The following GAB2 variants were observed in gnomAD, a reference collection of about 807,000 sequenced individuals.
The protein encoded by GAB2 is GRB2 associated binding protein 2.
Under a neutral mutation model 65.5 loss-of-function variants are expected in GAB2, and 26 were observed. The ratio of observed to expected loss-of-function variants is 0.40; its 90% CI spans 0.29 to 0.55. The LOEUF (loss-of-function observed/expected upper bound fraction) is 0.55. GAB2 is among the 20% of genes least tolerant of loss of function. The pLI is 0.53. For missense variants in GAB2, 884 were observed against 875.8 expected (o/e 1.01, Z -0.12); for synonymous variants, 321 against 329.6 (o/e 0.97, Z 0.28).
chr11:78,271,944 G>A (rs1246413400), intron 2 of GAB2, among the ~76,000 whole-genome samples: 1 of 152,190 alleles, frequency 6.6e-6, no homozygotes, highest in African/African-American at 2.4e-5. Flanking sequence ...AGTCTCTTGA[G>A]ATCTGATGGT....
intron 1 of GAB2, among the ~76,000 whole-genome samples, chr11:78,375,875 T>A (rs1856625729): frequency 6.6e-6 from 1 of 152,204 alleles, no homozygotes; most frequent in South Asian, 2.1e-4. Context: ...AGACTCTCCA[T>A]TGGCTTCTGG....
intron 2 of GAB2, among the ~76,000 whole-genome samples, chr11:78,278,297 T>G (rs1866231477): frequency 6.6e-6 from 1 of 152,104 alleles, no homozygotes; most frequent in Admixed American, 6.6e-5. Flanking sequence ...CTTGAACTCC[T>G]GATCTTAGGT....
Position 78,216,055 on chromosome 11 carries a change from A to G in GAB2, c.*3217T>C, listed in dbSNP as rs2511162. ...ACTGGGGATAGGTACTGCCCACCCC[A>G]ATCCCCCAGAAAGAAGTTACAGAGG... On this transcript the variant is annotated 3_prime_UTR_variant, in exon 10 of 10. Coordinates refer to ENST00000361507, the MANE Select transcript of GAB2 (RefSeq NM_080491.3). 0.31 allele frequency: 46,681 copies of G among 152,536 alleles called. 9,057 individuals are homozygous for G. The highest frequency in any genetic ancestry group is 0.55 in the African/African-American group (22,632 of 41,470). 9.4% of individuals were successfully genotyped at this position (152,536 alleles called of 1,614,324 possible). A position where few individuals can be genotyped will look rare whatever the true frequency, so the allele number is the denominator to read the frequency against.
chr11:78,295,422 T>C (rs949220796), intron 1 of GAB2, among the ~76,000 whole-genome samples: 5 of 152,170 alleles, frequency 3.3e-5, no homozygotes, highest in Non-Finnish European at 7.4e-5. Context: ...ATCCACTTTC[T>C]TTTTCCTTCA....
intron 1 of GAB2, among the ~76,000 whole-genome samples, chr11:78,394,126 A>G (rs1856866081): frequency 6.6e-6 from 1 of 152,178 alleles, no homozygotes; most frequent in Admixed American, 6.5e-5. Flanking sequence ...ATGTCTACTA[A>G]AAATATAAAA....
intron 3 of GAB2, among the ~76,000 whole-genome samples, chr11:78,244,852 A>G (rs12287148): frequency 0.032 from 4,826 of 152,252 alleles, 127 homozygotes; most frequent in South Asian, 0.064. Flanking sequence ...GTAAATTAGT[A>G]CAGTCGTTAT....
At chr11:78,268,336 T>C (rs1865921293) in intron 2 of GAB2, among the ~76,000 whole-genome samples, 2 of 152,212 alleles carry the variant, frequency 1.3e-5, no homozygotes, top group Admixed American at 6.5e-5. Context: ...GAGAAGACTG[T>C]ATCTACTGAT....
At chr11:78,414,853 G>A (rs117546841) in intron 1 of GAB2, among the ~76,000 whole-genome samples, 1,563 of 152,146 alleles carry the variant, frequency 0.01, 40 homozygotes, top group East Asian at 0.079. Context: ...ACACCTTCCC[G>A]TCTTTCCGAA....
chr11:78,258,620 C>A (rs1865657302), intron 2 of GAB2, among the ~76,000 whole-genome samples: 1 of 148,558 alleles, frequency 6.7e-6, no homozygotes, highest in Non-Finnish European at 1.5e-5. Context: ...TTTTTTGAGA[C>A]AAGATCGCGC....
chr11:78,269,186 T>C (rs767713936), intron 2 of GAB2, among the ~76,000 whole-genome samples: 7 of 152,232 alleles, frequency 4.6e-5, no homozygotes, highest in Non-Finnish European at 1.0e-4. Context: ...GTCTCCACTC[T>C]GTTCTTTCTT....
chr11:78,219,219 G>C lies in GAB2; in HGVS notation c.*53C>G. On this transcript the variant is annotated 3_prime_UTR_variant, in exon 10 of 10. Coordinates refer to ENST00000361507, the MANE Select transcript of GAB2 (RefSeq NM_080491.3). Reference sequence around the variant, plus strand: ...AACGGGAGAGGGGAGAGGGGAGATGGGAAGGGCCAGCTCTGGAGATGCTGC... The same window carrying C: ...AACGGGAGAGGGGAGAGGGGAGATGCGAAGGGCCAGCTCTGGAGATGCTGC... 6.4e-7 allele frequency: 1 copy of C among 1,567,042 alleles called. No homozygotes were observed. The highest frequency in any genetic ancestry group is 2.3e-5 in the East Asian group (1 of 44,368).
intron 1 of GAB2, 104 bp from the exon 2 acceptor site, chr11:78,281,005 G>A: frequency 1.1e-6 from 1 of 885,232 alleles, no homozygotes; most frequent in Non-Finnish European, 1.8e-6. Context: ...CCAGGCTGGA[G>A]TGCAGTGGCA....
intron 1 of GAB2, among the ~76,000 whole-genome samples, chr11:78,415,527 G>C (rs1251447269): frequency 3.9e-5 from 6 of 152,338 alleles, no homozygotes; most frequent in Middle Eastern, 3.4e-3. Context: ...CATATCACCA[G>C]TTTCAGTTAG....
rs1387052984 is a variant in GAB2, at chr11:78,412,081, G to A, written c.75+5565C>T. On this transcript the variant is annotated intron_variant, in intron 1 of 9. Transcript: ENST00000361507. ...AACAAAGAGAATCACTTGAACCTGG[G>A]GAGCCGAGATCATGCCATTGCACTC... 4.0e-5 allele frequency among the ~76,000 whole-genome samples: 6 copies of A among 150,074 alleles called. No individual in the cohort carries two copies. In the South Asian group the frequency reaches 8.4e-4, roughly 21 times the overall value.
intron 1 of GAB2, among the ~76,000 whole-genome samples, chr11:78,413,726 A>C (rs1857157983): frequency 6.6e-6 from 1 of 152,186 alleles, no homozygotes; most frequent in African/African-American, 2.4e-5. Context: ...GATTCAAAGT[A>C]TAAGTAGCAG....
intron 2 of GAB2, among the ~76,000 whole-genome samples, chr11:78,251,040 C>G (rs1203389977): frequency 6.6e-6 from 1 of 151,806 alleles, no homozygotes; most frequent in Admixed American, 6.6e-5. Context: ...GAAGGCCAAA[C>G]CTCAGCATTA....
At position 78,216,737 on chromosome 11, in the gene GAB2, T is replaced by C. The variant is rs990151471; in HGVS notation, c.*2535A>G. On this transcript the variant is annotated 3_prime_UTR_variant, in exon 10 of 10. Coordinates refer to ENST00000361507, the MANE Select transcript of GAB2 (RefSeq NM_080491.3). ...CACTCAGAACATGCTCACATGTTTA[T>C]GGGAGGCTGCAATAGTCTGGGCCCA... The C allele has an allele frequency of 6.6e-6, 1 of 152,288 alleles. No homozygotes were observed. Among genetic ancestry groups the C allele is most frequent in the Non-Finnish European group, 1.5e-5 (1 of 68,094 alleles). The allele number at this position is 152,288 out of a possible 1,614,324, so 9.4% of individuals were successfully genotyped here. A position where few individuals can be genotyped will look rare whatever the true frequency, so the allele number is the denominator to read the frequency against.
chr11:78,374,468 C>T (rs999910728), intron 1 of GAB2, among the ~76,000 whole-genome samples: 6 of 152,080 alleles, frequency 3.9e-5, no homozygotes, highest in Admixed American at 6.6e-5. Flanking sequence ...CCTGAAGTCC[C>T]GGGGTCTAGT....
rs1261654428 is a variant in GAB2, at chr11:78,216,585, G to A, written c.*2687C>T. On this transcript the variant is annotated 3_prime_UTR_variant, in exon 10 of 10. Transcript: ENST00000361507. ...GGGATTTTGGTAGTTACCAGAATAG[G>A]GGGCTGGAAGGAAGCCTCCTGGTAG... The A allele has an allele frequency of 2.7e-5, 4 of 149,376 alleles. No homozygotes were observed. The highest frequency in any genetic ancestry group is 5.1e-5 in the African/African-American group (2 of 39,070). 9.3% of individuals were successfully genotyped at this position (149,376 alleles called of 1,614,324 possible).
Sources: gnomAD v4.1 joint callset for allele counts (sites outside exome capture counted in the v4.1 genomes callset) on GRCh38, gnomAD v4.1.1 for gene constraint, MANE v1.5 for transcripts, NCBI Gene and HGNC (gene_info 2026-07-23, HGNC 2026-07-21) for gene names.